The following CTDSPL variants were observed in gnomAD, a reference collection of about 807,000 sequenced individuals.
CTDSPL encodes CTD small phosphatase like.
CTDSPL carries 8 observed loss-of-function variants against 30.5 expected under a neutral mutation model. The observed-to-expected ratio is 0.26, with a 90% confidence interval of 0.15 to 0.47. CTDSPL has a LOEUF of 0.47. Ranked by LOEUF, CTDSPL falls within the 20% of genes least tolerant of loss-of-function variation. The pLI is 0.99. For synonymous variants in CTDSPL, 110 were observed against 137.9 expected (o/e 0.80, Z 1.42); for missense variants, 248 against 366.1 (o/e 0.68, Z 2.63).
chr3:37,909,303 A>G (rs926464561), intron 1 of CTDSPL, among the ~76,000 whole-genome samples: 5 of 152,178 alleles, frequency 3.3e-5, no homozygotes, highest in African/African-American at 1.2e-4. Context: ...ATGATACCCA[A>G]CTTCATTTGT....
chr3:37,955,689 G>A (rs915313287), intron 2 of CTDSPL, among the ~76,000 whole-genome samples: 1 of 152,192 alleles, frequency 6.6e-6, no homozygotes, highest in African/African-American at 2.4e-5. Context: ...GGGCCTACTT[G>A]AGGGTGGAGG....
chr3:37,899,205 G>A (rs1333769422), intron 1 of CTDSPL, among the ~76,000 whole-genome samples: 2 of 152,190 alleles, frequency 1.3e-5, no homozygotes, highest in Non-Finnish European at 2.9e-5. Flanking sequence ...AGACCTACAA[G>A]CATATAGATG....
chr3:37,945,507 G>GAACTA (rs1699025351), intron 1 of CTDSPL, among the ~76,000 whole-genome samples: 1 of 152,230 alleles, frequency 6.6e-6, no homozygotes, highest in African/African-American at 2.4e-5. Flanking sequence ...GACCTACAGG[G>GAACTA]TTGGCCCTTG....
At chr3:37,884,279 G>A (rs1361891213) in intron 1 of CTDSPL, among the ~76,000 whole-genome samples, 1 of 151,982 alleles carries the variant, frequency 6.6e-6, no homozygotes, top group Non-Finnish European at 1.5e-5. Flanking sequence ...GGGACATATC[G>A]TTAGTTACAA....
At chr3:37,919,108 C>T (rs979745603) in intron 1 of CTDSPL, among the ~76,000 whole-genome samples, 1 of 152,116 alleles carries the variant, frequency 6.6e-6, no homozygotes, top group East Asian at 1.9e-4. Flanking sequence ...AGGGCCTTCC[C>T]CCTACCCCCC....
In CTDSPL at chr3:37,940,841, C is replaced by T. The variant is rs2125619726; in HGVS notation, c.80-6216C>T. ...AAATGTCAGATGTCCACTACACTCC[C>T]CATCTGTAACTGGTGCTTTGAAGAT... On this transcript the variant is annotated intron_variant, in intron 1 of 7. Coordinates refer to ENST00000273179, the MANE Select transcript of CTDSPL (RefSeq NM_001008392.2). Among the ~76,000 whole-genome samples the T allele has an allele frequency of 1.3e-5, 2 of 150,542 alleles. 1 individual carries two copies. The highest frequency in any genetic ancestry group is 3.9e-4 in the East Asian group (2 of 5,126).
At chr3:37,961,994 T>C (rs1249471856) in intron 3 of CTDSPL, among the ~76,000 whole-genome samples, 7 of 152,324 alleles carry the variant, frequency 4.6e-5, no homozygotes, top group African/African-American at 1.7e-4. Flanking sequence ...TGGCAAGCCG[T>C]GGTCCCTTCC....
chr3:37,977,726 A>T (rs1240480826), intron 7 of CTDSPL, among the ~76,000 whole-genome samples: 1 of 151,494 alleles, frequency 6.6e-6, no homozygotes, highest in Non-Finnish European at 1.5e-5. Context: ...CATCTCTTAA[A>T]AAAAAAAAAA....
At chr3:37,936,868 G>A (rs1054323942) in intron 1 of CTDSPL, among the ~76,000 whole-genome samples, 2 of 152,092 alleles carry the variant, frequency 1.3e-5, no homozygotes, top group Non-Finnish European at 1.5e-5. Context: ...TATGTTTAAT[G>A]TTCTGCTATA....
intron 1 of CTDSPL, among the ~76,000 whole-genome samples, chr3:37,864,671 A>G (rs1387861560): frequency 6.6e-6 from 1 of 152,166 alleles, no homozygotes; most frequent in East Asian, 1.9e-4. Flanking sequence ...CCGGTTCAGC[A>G]ATGTTTCTAG....
intron 1 of CTDSPL, among the ~76,000 whole-genome samples, chr3:37,933,683 A>G (rs1378079011): frequency 6.6e-6 from 1 of 152,230 alleles, no homozygotes; most frequent in Non-Finnish European, 1.5e-5. Context: ...AAATGGATAT[A>G]ATAGTCCCTA....
In CTDSPL at chr3:37,863,396, C is replaced by T. The variant is rs548524491; in HGVS notation, c.79+1118C>T. ...TCTGTGTTCCCACTTAGAGACTTGG[C>T]GTGTCCCCCTCTCTTGCATGCCTGG... On this transcript the variant is annotated intron_variant, in intron 1 of 7. Coordinates refer to ENST00000273179, the MANE Select transcript of CTDSPL (RefSeq NM_001008392.2). Among the ~76,000 whole-genome samples the T allele has an allele frequency of 6.6e-5, 10 of 152,314 alleles. No homozygotes were observed. The South Asian group carries it at 1.0e-3, about 16-fold the overall frequency.
At chr3:37,969,009 C>T (rs932402755) in intron 5 of CTDSPL, among the ~76,000 whole-genome samples, 6 of 152,226 alleles carry the variant, frequency 3.9e-5, no homozygotes, top group Non-Finnish European at 4.4e-5. Flanking sequence ...TTCCACACTT[C>T]ATGCTTTTAA....
chr3:37,876,416 A>C (rs1698135171), intron 1 of CTDSPL, among the ~76,000 whole-genome samples: 2 of 152,180 alleles, frequency 1.3e-5, no homozygotes, highest in African/African-American at 4.8e-5. Flanking sequence ...TGGTGGTACC[A>C]TTTTGACTCC....
At chr3:37,948,814 T>TTTTTTTTTTTC (rs1699073800) in intron 2 of CTDSPL, among the ~76,000 whole-genome samples, 7 of 133,590 alleles carry the variant, frequency 5.2e-5, no homozygotes, top group African/African-American at 2.2e-4. Flanking sequence ...CTTTCTTTTT[T>TTTTTTTTTTTC]TTTTTTTTTT....
chr3:37,925,580 C>G (rs1698772372), intron 1 of CTDSPL, among the ~76,000 whole-genome samples: 1 of 152,162 alleles, frequency 6.6e-6, no homozygotes, highest in Admixed American at 6.5e-5. Flanking sequence ...GCAGAGGCCT[C>G]AAACTTGTTT....
At chr3:37,893,581 C>G (rs1698354529) in intron 1 of CTDSPL, among the ~76,000 whole-genome samples, 1 of 152,144 alleles carries the variant, frequency 6.6e-6, no homozygotes, top group Non-Finnish European at 1.5e-5. Flanking sequence ...TTCTTTATGC[C>G]TAATCATTTG....
At chr3:37,863,089 G>A (rs1038220699) in intron 1 of CTDSPL, among the ~76,000 whole-genome samples, 1 of 152,206 alleles carries the variant, frequency 6.6e-6, no homozygotes, top group Non-Finnish European at 1.5e-5. Context: ...CTGGGGGGGA[G>A]AAGAGGCAGT....
chr3:37,926,433 A>G (rs947589838), intron 1 of CTDSPL, among the ~76,000 whole-genome samples: 3 of 152,086 alleles, frequency 2.0e-5, no homozygotes, highest in Non-Finnish European at 4.4e-5. Context: ...TTAAGGAATT[A>G]TTTTTCTTTT....
Sources: gnomAD v4.1 joint callset for allele counts (sites outside exome capture counted in the v4.1 genomes callset) on GRCh38, gnomAD v4.1.1 for gene constraint, MANE v1.5 for transcripts, NCBI Gene and HGNC (gene_info 2026-07-23, HGNC 2026-07-21) for gene names.